MUC7: variants seen among roughly 807,000 people sequenced by gnomAD.
The protein encoded by MUC7 is mucin-7.
A neutral mutation model predicts 2.5 loss-of-function variants in MUC7; 2 were observed. The observed-to-expected ratio is 0.81, with a 90% CI of 0.33 to 2.55. The LOEUF (loss-of-function observed/expected upper bound fraction) is 2.55. MUC7 is among the 30% of genes most tolerant of loss of function. The pLI, the probability that MUC7 is intolerant of heterozygous loss-of-function variation, is 0.11. For missense variants in MUC7, 408 were observed against 455.6 expected, an observed-to-expected ratio of 0.90 and a Z score of 0.95; for synonymous variants, 133 against 173.4, an observed-to-expected ratio of 0.77 and a Z score of 1.83.
intron 2 of MUC7, among the ~76,000 whole-genome samples, chr4:70,474,460 A>G (rs1170368710): frequency 6.6e-5 from 10 of 152,184 alleles, no homozygotes. Context: ...GGCTGCAGCA[A>G]GCCGTAATCA....
chr4:70,478,156 T>C (rs1447086761), intron 2 of MUC7, among the ~76,000 whole-genome samples: 1 of 152,198 alleles, frequency 6.6e-6, no homozygotes, highest in Non-Finnish European at 1.5e-5. Flanking sequence ...TTTAATCAAT[T>C]TGCCTTCATA....
chr4:70,455,208 T>C (rs1002106988), intron 1 of MUC7, among the ~76,000 whole-genome samples: 2 of 152,134 alleles, frequency 1.3e-5, no homozygotes, highest in African/African-American at 4.8e-5. Flanking sequence ...GTGAGCCCCC[T>C]CTGTGTCTGC....
chr4:70,470,913 A>G (rs1230909381), upstream of MUC7, among the ~76,000 whole-genome samples: 1 of 152,220 alleles, frequency 6.6e-6, no homozygotes, highest in East Asian at 1.9e-4. Context: ...CTTTTAACTT[A>G]TCTACTTTCA....
chr4:70,458,116 T>C (rs1000466351), intron 1 of MUC7, among the ~76,000 whole-genome samples: 3 of 152,028 alleles, frequency 2.0e-5, no homozygotes, highest in Admixed American at 2.0e-4. Context: ...TCCAACAATA[T>C]ATTAAAATTC....
At chr4:70,458,496 A>G (rs748009537) in intron 1 of MUC7, among the ~76,000 whole-genome samples, 58 of 152,104 alleles carry the variant, frequency 3.8e-4, no homozygotes, top group Non-Finnish European at 8.1e-4. Context: ...GCATTGTATA[A>G]TTTCTGATCT....
At chr4:70,474,606 A>G (rs2109741682) in intron 2 of MUC7, among the ~76,000 whole-genome samples, 1 of 152,304 alleles carries the variant, frequency 6.6e-6, no homozygotes. Context: ...GCATAAGGAA[A>G]TAATTTGTTT....
chr4:70,451,355 T>C (rs936005212), intron 1 of MUC7, among the ~76,000 whole-genome samples: 5 of 152,220 alleles, frequency 3.3e-5, no homozygotes, highest in Non-Finnish European at 5.9e-5. Flanking sequence ...CATTACTGTT[T>C]TCTCTAACTC....
At chr4:70,444,141 C>T (rs1734069208) in intron 1 of MUC7, among the ~76,000 whole-genome samples, 1 of 152,202 alleles carries the variant, frequency 6.6e-6, no homozygotes, top group Non-Finnish European at 1.5e-5. Flanking sequence ...ATATCTGAGG[C>T]TATAGCTACC....
At chr4:70,436,164 C>G (rs1485566906) in intron 1 of MUC7, among the ~76,000 whole-genome samples, 5 of 152,172 alleles carry the variant, frequency 3.3e-5, no homozygotes, top group Admixed American at 2.6e-4. Flanking sequence ...CTTGGTGAAT[C>G]TGACAATCAT....
At chr4:70,441,517 G>T (rs1339863382) in intron 1 of MUC7, among the ~76,000 whole-genome samples, 1 of 152,066 alleles carries the variant, frequency 6.6e-6, no homozygotes, top group Non-Finnish European at 1.5e-5. Flanking sequence ...ATATATGGAG[G>T]GAGAGGTTTT....
At chr4:70,449,046 A>C (rs1214237725) in intron 1 of MUC7, among the ~76,000 whole-genome samples, 1 of 151,992 alleles carries the variant, frequency 6.6e-6, no homozygotes, top group African/African-American at 2.4e-5. Context: ...TCCTCAATGG[A>C]TGTTCTTGGC....
chr4:70,431,641 A>C (rs1733669136), intron 1 of MUC7, among the ~76,000 whole-genome samples: 1 of 152,224 alleles, frequency 6.6e-6, no homozygotes, highest in South Asian at 2.1e-4. Flanking sequence ...GAATTACATA[A>C]ATGTTATTTC....
Position 70,464,976 on chromosome 4 carries a change from G to T in MUC7, c.-92-7239G>T, listed in dbSNP as rs182407946. 2.7e-3 allele frequency among the ~76,000 whole-genome samples: 411 copies of T among 152,266 alleles called. 2 individuals are homozygous for T. The highest frequency in any genetic ancestry group is 3.7e-3 in the Non-Finnish European group (254 of 68,004). On this transcript the variant is annotated intron_variant, in intron 1 of 3. Transcript: ENST00000413702. ...TGGGAGACACCTCCCAGCAGGGTTCGGCAGACACCTCATTTAGGAGAGTTC... is the reference window on the plus strand; with the variant it reads ...TGGGAGACACCTCCCAGCAGGGTTCTGCAGACACCTCATTTAGGAGAGTTC...
chr4:70,473,819 A>G (rs1420637637), intron 1 of MUC7, among the ~76,000 whole-genome samples, 188 bp from the exon 2 acceptor site: 1 of 152,204 alleles, frequency 6.6e-6, no homozygotes, highest in Non-Finnish European at 1.5e-5. Flanking sequence ...CTTCCTCTCT[A>G]AAAGAATGCA....
At chr4:70,473,722 TC>T (rs1376059947) in intron 1 of MUC7, among the ~76,000 whole-genome samples, 1 of 152,184 alleles carries the variant, frequency 6.6e-6, no homozygotes, top group Admixed American at 6.5e-5. Context: ...CTTCCTAAGA[TC>T]CTGCCTTTCC....
At chr4:70,463,961 A>C (rs1181595472) in intron 1 of MUC7, among the ~76,000 whole-genome samples, 1 of 152,162 alleles carries the variant, frequency 6.6e-6, no homozygotes. Flanking sequence ...GTCATCCGAA[A>C]ATAGCCAAAT....
chr4:70,433,654 A>G (rs1199312898), intron 1 of MUC7, among the ~76,000 whole-genome samples: 2 of 152,208 alleles, frequency 1.3e-5, no homozygotes, highest in African/African-American at 4.8e-5. Context: ...TAAATATACA[A>G]TCATGTCATC....
intron 2 of MUC7, among the ~76,000 whole-genome samples, chr4:70,475,833 G>C (rs993949575): frequency 1.3e-5 from 2 of 152,136 alleles, no homozygotes; most frequent in African/African-American, 4.8e-5. Context: ...GAGAGAGAGA[G>C]GGCAGAAGAA....
intron 2 of MUC7, 45 bp downstream of exon 2, chr4:70,474,120 A>G: frequency 6.5e-7 from 1 of 1,533,380 alleles, no homozygotes; most frequent in Non-Finnish European, 9.0e-7. Flanking sequence ...TATCAATAAC[A>G]AACATTTAGT....
Sources: gnomAD v4.1 joint callset for allele counts (sites outside exome capture counted in the v4.1 genomes callset) on GRCh38, gnomAD v4.1.1 for gene constraint, MANE v1.5 for transcripts, NCBI Gene and HGNC (gene_info 2026-07-23, HGNC 2026-07-21) for gene names.